Variants in HS3ST4 observed in about 807,000 individuals in gnomAD.
HS3ST4 encodes the protein heparan sulfate glucosamine 3-O-sulfotransferase 4.
HS3ST4 carries 17 observed loss-of-function variants against 29.2 expected under a neutral mutation model. The observed-to-expected ratio is 0.58, with a 90% CI of 0.40 to 0.87. The LOEUF (loss-of-function observed/expected upper bound fraction) is 0.87. HS3ST4 is among the 40% of genes least tolerant of loss of function. The pLI is 0.00. For synonymous variants in HS3ST4, 314 were observed against 285.7 expected, an observed-to-expected ratio of 1.10 and a Z score of -1.00; for missense variants, 627 against 634.5, an observed-to-expected ratio of 0.99 and a Z score of 0.13.
intron 1 of HS3ST4, among the ~76,000 whole-genome samples, chr16:25,728,434 T>C (rs1966551035): frequency 6.6e-6 from 1 of 152,230 alleles, no homozygotes; most frequent in Non-Finnish European, 1.5e-5. Flanking sequence ...AAAGAACATA[T>C]AATACTTTTG....
At chr16:25,973,847 G>C (rs1420367174) in intron 1 of HS3ST4, among the ~76,000 whole-genome samples, 1 of 152,194 alleles carries the variant, frequency 6.6e-6, no homozygotes, top group African/African-American at 2.4e-5. Flanking sequence ...AATTGGCAGA[G>C]TGCAACCCCA....
chr16:25,717,772 G>A (rs567884523), intron 1 of HS3ST4, among the ~76,000 whole-genome samples: 8 of 152,232 alleles, frequency 5.3e-5, no homozygotes, highest in African/African-American at 1.9e-4. Context: ...CTGTTTAATG[G>A]TTTTAGCAGA....
chr16:25,850,343 C>A (rs1251050896), intron 1 of HS3ST4, among the ~76,000 whole-genome samples: 1 of 152,070 alleles, frequency 6.6e-6, no homozygotes, highest in African/African-American at 2.4e-5. Flanking sequence ...TCTGTATGGG[C>A]TGGGAAAAAA....
At chr16:26,000,243 C>T (rs1412163950) in intron 1 of HS3ST4, among the ~76,000 whole-genome samples, 2 of 152,140 alleles carry the variant, frequency 1.3e-5, no homozygotes, top group East Asian at 3.9e-4. Flanking sequence ...GCTTAAATGA[C>T]ATCATCACCT....
At chr16:25,846,147 T>A (rs1169162131) in intron 1 of HS3ST4, among the ~76,000 whole-genome samples, 5 of 152,206 alleles carry the variant, frequency 3.3e-5, no homozygotes, top group African/African-American at 1.2e-4. Flanking sequence ...GATCGTAAAG[T>A]AGCAGTGCCA....
At chr16:25,862,803 A>G (rs1967652246) in intron 1 of HS3ST4, among the ~76,000 whole-genome samples, 1 of 152,226 alleles carries the variant, frequency 6.6e-6, no homozygotes, top group Non-Finnish European at 1.5e-5. Flanking sequence ...AGAAGTGAAA[A>G]TGTCGCATCA....
At chr16:25,815,426 C>A (rs756951719) in intron 1 of HS3ST4, among the ~76,000 whole-genome samples, 1 of 152,138 alleles carries the variant, frequency 6.6e-6, no homozygotes, top group African/African-American at 2.4e-5. Context: ...CAAGTTCAAG[C>A]GATTCTTCTG....
intron 1 of HS3ST4, among the ~76,000 whole-genome samples, chr16:26,040,887 G>T (rs56245220): frequency 1.5e-3 from 221 of 152,086 alleles, no homozygotes; most frequent in Non-Finnish European, 2.6e-3. Flanking sequence ...ACCCAACATG[G>T]TCACTATTGA....
intron 1 of HS3ST4, among the ~76,000 whole-genome samples, chr16:25,697,388 C>T (rs1458759617): frequency 6.6e-6 from 1 of 152,032 alleles, no homozygotes; most frequent in Non-Finnish European, 1.5e-5. Context: ...GGTAAAATGT[C>T]CAAATTGAAA....
At chr16:26,090,286 G>A (rs2141788842) in intron 1 of HS3ST4, among the ~76,000 whole-genome samples, 1 of 151,958 alleles carries the variant, frequency 6.6e-6, no homozygotes, top group Non-Finnish European at 1.5e-5. Context: ...TTAAGAGTTG[G>A]CAGATCACGT....
At chr16:26,057,811 G>A (rs933448500) in intron 1 of HS3ST4, among the ~76,000 whole-genome samples, 1 of 149,988 alleles carries the variant, frequency 6.7e-6, no homozygotes, top group African/African-American at 2.5e-5. Context: ...TTGCCTTTGT[G>A]GGGGTCGTGC....
chr16:25,856,457 TG>T (rs1967575001), intron 1 of HS3ST4, among the ~76,000 whole-genome samples: 1 of 152,088 alleles, frequency 6.6e-6, no homozygotes, highest in Non-Finnish European at 1.5e-5. Flanking sequence ...AATCCCTAAA[TG>T]ATAGTGGGGT....
At chr16:25,986,140 T>C (rs975463108) in intron 1 of HS3ST4, among the ~76,000 whole-genome samples, 25 of 152,230 alleles carry the variant, frequency 1.6e-4, no homozygotes, top group Admixed American at 3.3e-4. Context: ...CCCAGTCTCC[T>C]TCTAATTTAT....
At chr16:25,904,448 A>G (rs1490091152) in intron 1 of HS3ST4, among the ~76,000 whole-genome samples, 1 of 152,180 alleles carries the variant, frequency 6.6e-6, no homozygotes, top group Non-Finnish European at 1.5e-5. Flanking sequence ...AATCGAATAT[A>G]CTTTTGAGCT....
chr16:25,781,062 T>C (rs1440744794), intron 1 of HS3ST4, among the ~76,000 whole-genome samples: 1 of 152,204 alleles, frequency 6.6e-6, no homozygotes, highest in Non-Finnish European at 1.5e-5. Context: ...CTTGGTTTAT[T>C]GGGCTTGCAT....
intron 1 of HS3ST4, among the ~76,000 whole-genome samples, chr16:25,920,604 C>CG (rs1173473332): frequency 1.3e-5 from 2 of 149,870 alleles, no homozygotes; most frequent in East Asian, 1.9e-4. Context: ...CCGCCCCCAC[C>CG]CCTCTTTTTT....
At chr16:26,046,944 G>T (rs1898278545) in intron 1 of HS3ST4, among the ~76,000 whole-genome samples, 1 of 152,098 alleles carries the variant, frequency 6.6e-6, no homozygotes, top group Admixed American at 6.5e-5. Context: ...TAAGCAAACT[G>T]GTGCTGAAGT....
chr16:26,125,176 A>T (rs1899325360), intron 1 of HS3ST4, among the ~76,000 whole-genome samples: 1 of 152,154 alleles, frequency 6.6e-6, no homozygotes, highest in South Asian at 2.1e-4. Flanking sequence ...TTATTTGTTT[A>T]TGATGATATC....
intron 1 of HS3ST4, among the ~76,000 whole-genome samples, chr16:25,990,444 G>C (rs1448833807): frequency 1.3e-5 from 2 of 152,216 alleles, no homozygotes; most frequent in African/African-American, 2.4e-5. Flanking sequence ...TTTGGATTTT[G>C]ACCATTTTAA....
Sources: gnomAD v4.1 joint callset for allele counts (sites outside exome capture counted in the v4.1 genomes callset) on GRCh38, gnomAD v4.1.1 for gene constraint, MANE v1.5 for transcripts, NCBI Gene and HGNC (gene_info 2026-07-23, HGNC 2026-07-21) for gene names.